The following PHF21B variants were observed in gnomAD, a reference collection of about 807,000 sequenced individuals.
PHF21B encodes the protein PHD finger protein 4.
Under a neutral mutation model 62.2 loss-of-function variants are expected in PHF21B, and 22 were observed. The ratio of observed to expected loss-of-function variants is 0.35; its 90% confidence interval spans 0.25 to 0.51. The LOEUF (loss-of-function observed/expected upper bound fraction) is 0.51. Ranked by LOEUF, PHF21B falls within the 20% of genes least tolerant of loss-of-function variation. PHF21B has a pLI of 0.97. For missense variants in PHF21B, 701 were observed against 707.9 expected (o/e 0.99, Z 0.11); for synonymous variants, 341 against 314.7 (o/e 1.08, Z -0.88).
intron 2 of PHF21B, among the ~76,000 whole-genome samples, chr22:44,986,576 G>T (rs79973280): frequency 0.02 from 2,976 of 149,836 alleles, 91 homozygotes; most frequent in African/African-American, 0.069. Context: ...CAAAGGCTCA[G>T]TGACCCCCAC....
At chr22:44,955,014 A>G (rs1305579449) in intron 2 of PHF21B, among the ~76,000 whole-genome samples, 1 of 152,186 alleles carries the variant, frequency 6.6e-6, no homozygotes, top group Admixed American at 6.5e-5. Flanking sequence ...CCCAGAAGCC[A>G]TGATCAAGCA....
chr22:44,989,633 C>T (rs1280499432), intron 2 of PHF21B: 1 of 103,568 alleles, frequency 9.7e-6, no homozygotes, highest in African/African-American at 4.0e-5. Flanking sequence ...TTTTTTGAGA[C>T]GAGTCTCACT....
chr22:44,933,613 G>A lies in PHF21B; in HGVS notation c.121-13123C>T, dbSNP rs151219104. 3.0e-5 allele frequency: 26 copies of A among 854,938 alleles called. No homozygotes were observed. In the Admixed American group the frequency reaches 8.1e-4, roughly 27 times the overall value. The allele number at this position is 854,938 out of a possible 1,614,324, so 53.0% of individuals were successfully genotyped here. A position where few individuals can be genotyped will look rare whatever the true frequency, so the allele number is the denominator to read the frequency against. ...TCTCGGCTACATAGAAGGGGTAAGCGTTAAGTGGGGTGGGGGAGCCGTCTG... is the reference window on the plus strand; with the variant it reads ...TCTCGGCTACATAGAAGGGGTAAGCATTAAGTGGGGTGGGGGAGCCGTCTG... On this transcript the variant is annotated intron_variant, in intron 2 of 12. Coordinates refer to ENST00000313237, the MANE Select transcript of PHF21B (RefSeq NM_138415.5).
chr22:44,964,072 C>G (rs999821076), intron 2 of PHF21B, among the ~76,000 whole-genome samples: 3 of 152,232 alleles, frequency 2.0e-5, no homozygotes, highest in African/African-American at 7.2e-5. Context: ...TTCCTTCTCA[C>G]AGGAGTGGAC....
At chr22:44,925,008 G>A (rs2071603130) in intron 2 of PHF21B, among the ~76,000 whole-genome samples, 1 of 152,078 alleles carries the variant, frequency 6.6e-6, no homozygotes, top group Non-Finnish European at 1.5e-5. Flanking sequence ...ACACAATATG[G>A]ATGAATCACA....
chr22:44,892,257 T>C (rs2070979665), intron 7 of PHF21B, among the ~76,000 whole-genome samples: 1 of 152,102 alleles, frequency 6.6e-6, no homozygotes, highest in Middle Eastern at 3.2e-3. Context: ...CTTGCTCAGA[T>C]GAAGGAAGAG....
At chr22:44,949,019 G>T (rs1437675918) in intron 2 of PHF21B, among the ~76,000 whole-genome samples, 1 of 152,114 alleles carries the variant, frequency 6.6e-6, no homozygotes, top group Non-Finnish European at 1.5e-5. Context: ...AGCTGAGGTA[G>T]GGGCCGGGCG....
At chr22:44,933,854 A>T (rs762580905) in intron 2 of PHF21B, among the ~76,000 whole-genome samples, 15 of 152,184 alleles carry the variant, frequency 9.9e-5, no homozygotes, top group Non-Finnish European at 2.1e-4. Flanking sequence ...CGGGCACAGT[A>T]ACTGAATACA....
chr22:44,969,579 T>C (rs2072597199), intron 2 of PHF21B, among the ~76,000 whole-genome samples: 1 of 151,874 alleles, frequency 6.6e-6, no homozygotes, highest in Non-Finnish European at 1.5e-5. Flanking sequence ...GGGATGAGAA[T>C]CACTTGAACC....
intron 5 of PHF21B, among the ~76,000 whole-genome samples, chr22:44,909,595 G>C (rs1234681252): frequency 2.6e-5 from 4 of 152,224 alleles, no homozygotes; most frequent in African/African-American, 9.6e-5. Context: ...CATTACCTAA[G>C]AATAAAGCTC....
rs184750326 is a variant in PHF21B, at chr22:44,995,704, A to G, written c.120+12841T>C. Among the ~76,000 whole-genome samples the G allele has an allele frequency of 6.8e-4, 104 of 152,178 alleles. 1 individual carries two copies. Among genetic ancestry groups the G allele is most frequent in the African/African-American group, 2.4e-3 (100 of 41,518 alleles). ...GCGTCGAGTCTGACTCAGTCACTGCATTTAGCACTCGGTATGTCGGCACCT... is the reference window on the plus strand; with the variant it reads ...GCGTCGAGTCTGACTCAGTCACTGCGTTTAGCACTCGGTATGTCGGCACCT... On this transcript the variant is annotated intron_variant, in intron 2 of 12. Coordinates refer to ENST00000313237, the MANE Select transcript of PHF21B (RefSeq NM_138415.5).
intron 2 of PHF21B, among the ~76,000 whole-genome samples, chr22:44,943,864 C>A (rs1415202172): frequency 6.6e-6 from 1 of 152,212 alleles, no homozygotes; most frequent in Middle Eastern, 3.2e-3. Flanking sequence ...TGCAGCATTC[C>A]AGGCCCGGCT....
chr22:44,895,746 GTC>G (rs1569212413), intron 6 of PHF21B, among the ~76,000 whole-genome samples: 1 of 152,200 alleles, frequency 6.6e-6, no homozygotes, highest in Non-Finnish European at 1.5e-5. Context: ...ATTGTGCATA[GTC>G]ATGGAGCCAG....
intron 2 of PHF21B, among the ~76,000 whole-genome samples, chr22:44,955,033 A>G (rs1171692990): frequency 6.6e-6 from 1 of 152,172 alleles, no homozygotes; most frequent in Non-Finnish European, 1.5e-5. Flanking sequence ...CAAAGCCCAG[A>G]GCAACCACAC....
chr22:44,990,443 C>T (rs9626601), intron 2 of PHF21B, among the ~76,000 whole-genome samples: 3,215 of 152,204 alleles, frequency 0.021, 103 homozygotes, highest in African/African-American at 0.072. Flanking sequence ...GGATAAACAG[C>T]ACGGAGTACG....
At chr22:44,886,736 G>C (rs2070866134) in intron 10 of PHF21B, among the ~76,000 whole-genome samples, 1 of 151,918 alleles carries the variant, frequency 6.6e-6, no homozygotes, top group African/African-American at 2.4e-5. Flanking sequence ...CACAATGCAG[G>C]GGCAGGTAGC....
intron 2 of PHF21B, among the ~76,000 whole-genome samples, chr22:44,933,932 G>A (rs136692): frequency 0.059 from 9,002 of 152,256 alleles, 783 homozygotes; most frequent in East Asian, 0.39. Flanking sequence ...CTCGTGAAGC[G>A]TCCTTGTCTA....
chr22:45,007,564 A>AGGAGGGAGGGAGGGGGCAGC (rs1378929167), intron 2 of PHF21B, among the ~76,000 whole-genome samples: 15 of 14,996 alleles, frequency 1.0e-3, no homozygotes, highest in African/African-American at 4.5e-3. Context: ...CGGGGCGCGA[A>AGGAGGGAGGGAGGGGGCAGC]GGAGGGAGGG....
chr22:44,927,568 G>A (rs1056656109), intron 2 of PHF21B, among the ~76,000 whole-genome samples: 2 of 152,082 alleles, frequency 1.3e-5, no homozygotes, highest in African/African-American at 2.4e-5. Flanking sequence ...GTTCCTTTTC[G>A]AACACTGCCA....
Sources: gnomAD v4.1 joint callset for allele counts (sites outside exome capture counted in the v4.1 genomes callset) on GRCh38, gnomAD v4.1.1 for gene constraint, MANE v1.5 for transcripts, NCBI Gene and HGNC (gene_info 2026-07-23, HGNC 2026-07-21) for gene names.